ACO2: variants seen among roughly 807,000 people sequenced by gnomAD.
The protein encoded by ACO2 is aconitate hydratase, mitochondrial.
In ACO2, 31 loss-of-function variants were observed where a neutral mutation model predicts 84.5. The observed-to-expected ratio is 0.37, with a 90% CI of 0.28 to 0.50. The LOEUF (loss-of-function observed/expected upper bound fraction) is 0.50. Ranked by LOEUF, ACO2 falls within the 20% of genes least tolerant of loss-of-function variation. The pLI, the probability that ACO2 is intolerant of heterozygous loss-of-function variation, is 0.97. For missense variants in ACO2, 685 were observed against 1,029.3 expected, an observed-to-expected ratio of 0.67 and a Z score of 4.58; for synonymous variants, 414 against 412.7, an observed-to-expected ratio of 1.00 and a Z score of -0.04.
rs767406473 is a variant in ACO2, at chr22:41,515,576, T to C, written c.684+41T>C. On this transcript the variant is annotated intron_variant, in intron 5 of 17. Transcript: ENST00000216254. This position sits in a 1 kb window ranked among gnomAD's most constrained non-coding sequence, Gnocchi z 5.8. Reference sequence around the variant, plus strand: ...GACTCATTCTGGGCTGGCTGTGGGGTGGTGGTTGGTGGGGATGAACGGGAG... The same window carrying C: ...GACTCATTCTGGGCTGGCTGTGGGGCGGTGGTTGGTGGGGATGAACGGGAG... The C allele has an allele frequency of 1.3e-6, 2 of 1,582,284 alleles. No homozygotes were observed. Among genetic ancestry groups the C allele is most frequent in the East Asian group, 2.2e-5 (1 of 44,554 alleles).
intron 17 of ACO2, 83 bp from the exon 18 acceptor site, chr22:41,528,396 G>A (rs200466811): frequency 3.6e-5 from 56 of 1,555,400 alleles, no homozygotes; most frequent in East Asian, 3.2e-4. Flanking sequence ...TCCCCAGGCA[G>A]TGCCCTGTCT....
chr22:41,526,085 T>C (rs968652045), intron 14 of ACO2, 177 bp from the exon 15 acceptor site: 9 of 586,834 alleles, frequency 1.5e-5, no homozygotes, highest in Non-Finnish European at 2.4e-5. Context: ...CCTGAGCCCA[T>C]GTGGCCTTAG....
chr22:41,513,235 C>G (rs2066448876), intron 4 of ACO2, among the ~76,000 whole-genome samples: 1 of 152,218 alleles, frequency 6.6e-6, no homozygotes, highest in Non-Finnish European at 1.5e-5. Flanking sequence ...AGTACAAATG[C>G]CCAGGCCTTT....
intron 1 of ACO2, among the ~76,000 whole-genome samples, chr22:41,480,995 G>A (rs1053244306): frequency 1.8e-4 from 28 of 152,068 alleles, no homozygotes; most frequent in African/African-American, 6.5e-4. Flanking sequence ...GTAGAGATGG[G>A]GGTCTCGCTT....
At chr22:41,481,079 T>A (rs571942654) in intron 1 of ACO2, among the ~76,000 whole-genome samples, 10 of 152,300 alleles carry the variant, frequency 6.6e-5, no homozygotes, top group Admixed American at 2.6e-4. Flanking sequence ...CCTAAAGTGC[T>A]GGGATTACAG....
chr22:41,484,652 CT>C (rs2038129824), intron 1 of ACO2, among the ~76,000 whole-genome samples: 1 of 151,704 alleles, frequency 6.6e-6, no homozygotes, highest in Non-Finnish European at 1.5e-5. Flanking sequence ...GCTGGAATTA[CT>C]TTTAGTATTT....
At chr22:41,524,525 T>C (rs2066560093) in intron 12 of ACO2, among the ~76,000 whole-genome samples, 1 of 152,232 alleles carries the variant, frequency 6.6e-6, no homozygotes, top group African/African-American at 2.4e-5. Context: ...ACTGAGCAGG[T>C]TTGCATCATA....
At chr22:41,523,769 C>A in intron 11 of ACO2, 61 bp from the exon 12 acceptor site, 1 of 1,459,190 alleles carries the variant, frequency 6.9e-7, no homozygotes, top group South Asian at 1.1e-5. Flanking sequence ...CTTATCTGTC[C>A]TCGGGACAGG....
In ACO2 at chr22:41,481,818, T is replaced by C. The variant is rs745639639; in HGVS notation, c.36+12636T>C. On this transcript the variant is annotated intron_variant, in intron 1 of 17. Coordinates refer to ENST00000216254, the MANE Select transcript of ACO2 (RefSeq NM_001098.3). Reference sequence around the variant, plus strand: ...CATCTGTTTCATCAGTAAGTCTTTCTTGAACTTCTTCTATGTGTTGGACAT... The same window carrying C: ...CATCTGTTTCATCAGTAAGTCTTTCCTGAACTTCTTCTATGTGTTGGACAT... Among the ~76,000 whole-genome samples, 56 of 152,240 alleles carry C rather than the reference T, an allele frequency of 3.7e-4. 1 individual carries two copies. The highest frequency in any genetic ancestry group is 3.7e-3 in the Admixed American group (56 of 15,284).
chr22:41,489,177 G>T (rs1482135090), intron 1 of ACO2, among the ~76,000 whole-genome samples: 1 of 152,020 alleles, frequency 6.6e-6, no homozygotes, highest in Admixed American at 6.6e-5. Context: ...CAGGGAGCTG[G>T]GACTACAGGC....
At chr22:41,499,679 T>C (rs2066339775) in intron 1 of ACO2, 47 bp from the exon 2 acceptor site, 1 of 1,589,192 alleles carries the variant, frequency 6.3e-7, no homozygotes, top group Admixed American at 1.7e-5. Flanking sequence ...GGGGATGGAC[T>C]CTCCTAAGTG....
At chr22:41,470,999 C>G (rs539582578) in intron 1 of ACO2, among the ~76,000 whole-genome samples, 1 of 152,112 alleles carries the variant, frequency 6.6e-6, no homozygotes, top group Non-Finnish European at 1.5e-5. Context: ...CATTTTGAAC[C>G]GAAAAGGATC....
intron 12 of ACO2, among the ~76,000 whole-genome samples, chr22:41,524,457 A>G (rs1044874660): frequency 6.6e-6 from 1 of 152,310 alleles, no homozygotes; most frequent in African/African-American, 2.4e-5. Flanking sequence ...TGTTCTACAA[A>G]TATGTCTTGC....
chr22:41,472,572 G>C (rs1385585684), intron 1 of ACO2, among the ~76,000 whole-genome samples: 1 of 152,112 alleles, frequency 6.6e-6, no homozygotes, highest in Non-Finnish European at 1.5e-5. Flanking sequence ...CTACCAGGTA[G>C]TAAGATTAGA....
intron 1 of ACO2, among the ~76,000 whole-genome samples, chr22:41,473,330 C>T (rs2037968358): frequency 6.6e-6 from 1 of 152,094 alleles, no homozygotes; most frequent in Non-Finnish European, 1.5e-5. Flanking sequence ...CATGGTGAAA[C>T]CCAATAGCTA....
intron 1 of ACO2, among the ~76,000 whole-genome samples, chr22:41,483,811 C>G (rs1045796333): frequency 6.6e-6 from 1 of 152,108 alleles, no homozygotes; most frequent in African/African-American, 2.4e-5. Flanking sequence ...GATGTGTTCT[C>G]TCAAAACGAC....
chr22:41,518,901 G>A (rs1358763569), intron 8 of ACO2, among the ~76,000 whole-genome samples: 4 of 152,136 alleles, frequency 2.6e-5, no homozygotes, highest in Non-Finnish European at 5.9e-5. Flanking sequence ...AGCCGAGATC[G>A]CACCACTGCA....
chr22:41,515,084 G>A lies in ACO2; in HGVS notation c.526-293G>A, dbSNP rs2066465035. The stretch of plus-strand genomic sequence containing the variant: ...ACATCCTGGGGTCATGGTGGTATGG[G>A]TGTTTGGTTACTGTGCTACAAATGA... On this transcript the variant is annotated intron_variant, in intron 4 of 17. Transcript: ENST00000216254. The surrounding 1 kb of genome is among the most constrained non-coding windows in gnomAD (Gnocchi z 5.8). Among the ~76,000 whole-genome samples, 1 of 152,224 alleles carries A rather than the reference G, an allele frequency of 6.6e-6. No homozygotes were observed.
At chr22:41,485,403 G>C (rs2038139754) in intron 1 of ACO2, among the ~76,000 whole-genome samples, 1 of 151,596 alleles carries the variant, frequency 6.6e-6, no homozygotes, top group Non-Finnish European at 1.5e-5. Flanking sequence ...CGAGTAGCTG[G>C]GATTACAGCA....
Sources: gnomAD v4.1 joint callset for allele counts (sites outside exome capture counted in the v4.1 genomes callset) on GRCh38, gnomAD v4.1.1 for gene constraint, Gnocchi (gnomAD v3.1) non-coding constraint, MANE v1.5 for transcripts, NCBI Gene and HGNC (gene_info 2026-07-23, HGNC 2026-07-21) for gene names.